The following ABCC6 variants were observed in gnomAD, a reference collection of about 807,000 sequenced individuals.
ABCC6 encodes ATP-binding cassette sub-family C member 6.
ABCC6 carries 126 observed loss-of-function variants against 169.5 expected under a neutral mutation model. The observed-to-expected ratio is 0.74, with a 90% CI of 0.64 to 0.86. The LOEUF (loss-of-function observed/expected upper bound fraction) is 0.86, where lower values mean the gene tolerates loss of function less well. Among genes scored for constraint, ABCC6 ranks in the 40% least tolerant of loss-of-function variants. ABCC6 has a pLI of 0.00. For synonymous variants in ABCC6, 752 were observed against 814.7 expected, an observed-to-expected ratio of 0.92 and a Z score of 1.31; for missense variants, 1,733 against 1,927.2, an observed-to-expected ratio of 0.90 and a Z score of 1.89.
chr16:16,197,942 G>A lies in ABCC6; in HGVS notation c.1338+79C>T, dbSNP rs575979803. 5.3e-4 allele frequency: 776 copies of A among 1,457,958 alleles called. 5 individuals are homozygous for A. In the African/African-American group the frequency reaches 8.3e-3, roughly 16 times the overall value. The allele number at this position is 1,457,958 out of a possible 1,614,324, so 90.3% of individuals were successfully genotyped here. ...TGAATGCTAAGTCAGGAGGAGGAAG[G>A]GTGGGAGGGGGAAGGAGGAGGGGGA... On this transcript the variant is annotated intron_variant, in intron 10 of 30. Transcript: ENST00000205557.
At position 16,198,138 on chromosome 16, in the gene ABCC6, A is replaced by C; in HGVS notation, c.1221T>G (p.Gly407=). The C allele has an allele frequency of 6.2e-7, 1 of 1,609,678 alleles. No homozygotes were observed. The highest frequency in any genetic ancestry group is 8.5e-7 in the Non-Finnish European group (1 of 1,178,096). ...SSGSRKASAV[G]DVVNLVSVDV... ...CCACGGACACCAGATTGACCACATC[A>C]CCCACCGCACTGGCCTTTCTGGAGC... The change falls in exon 10 of 31, where the codon GGT becomes GGG. Residue 407 remains glycine (G), a synonymous_variant. Transcript: ENST00000205557.
intron 29 of ABCC6, 104 bp downstream of exon 29, chr16:16,154,524 T>A (rs2046477069): frequency 2.8e-6 from 4 of 1,405,510 alleles, no homozygotes; most frequent in East Asian, 2.4e-5. Context: ...TGTAACAGAG[T>A]GATAATCCTA....
At chr16:16,153,530 G>T (rs957921938) in intron 29 of ABCC6, among the ~76,000 whole-genome samples, 2 of 152,108 alleles carry the variant, frequency 1.3e-5, no homozygotes, top group Admixed American at 1.3e-4. Context: ...GGGCGCTGGG[G>T]GAGGGGACAA....
chr16:16,193,789 C>T (rs1212502622), intron 10 of ABCC6, among the ~76,000 whole-genome samples: 1 of 152,208 alleles, frequency 6.6e-6, no homozygotes, highest in Non-Finnish European at 1.5e-5. Flanking sequence ...GATCCAAGAA[C>T]CCTCTTTTGG....
In ABCC6 at chr16:16,182,448, G is replaced by A; in HGVS notation, c.2211C>T (p.Ser737=). 6.2e-7 allele frequency: 1 copy of A among 1,614,134 alleles called. No individual in the cohort carries two copies. The highest frequency in any genetic ancestry group is 8.5e-7 in the Non-Finnish European group (1 of 1,180,030). Reference sequence around the variant, plus strand: ...TTGAAGTGTGGATTCCCTCAGGGAAGCTGTCCACATCTGGCTGCAGGGCAC... The same window carrying A: ...TTGAAGTGTGGATTCCCTCAGGGAAACTGTCCACATCTGGCTGCAGGGCAC... ...EACALQPDVD[S]FPEGIHTSIG... The change falls in exon 17 of 31, where the codon AGC becomes AGT. Residue 737 remains serine (S), a synonymous_variant. Coordinates refer to ENST00000205557, the MANE Select transcript of ABCC6 (RefSeq NM_001171.6).
chr16:16,175,254 C>T (rs2152246267), intron 20 of ABCC6, among the ~76,000 whole-genome samples: 1 of 152,274 alleles, frequency 6.6e-6, no homozygotes, highest in African/African-American at 2.4e-5. Context: ...GACTGAGGCC[C>T]CTCAAGATCG....
At chr16:16,214,251 A>G in intron 5 of ABCC6, 73 bp downstream of exon 5, 1 of 1,545,766 alleles carries the variant, frequency 6.5e-7, no homozygotes, top group Non-Finnish European at 8.8e-7. Flanking sequence ...AAAAAATTAA[A>G]GACTTTTGGT....
chr16:16,207,250 C>T (rs1199611445), intron 7 of ABCC6, among the ~76,000 whole-genome samples: 1 of 152,214 alleles, frequency 6.6e-6, no homozygotes, highest in Non-Finnish European at 1.5e-5. Context: ...CTGAAGGGAC[C>T]ACCAGTCATG....
At chr16:16,204,262 G>A (rs1438494033) in intron 7 of ABCC6, among the ~76,000 whole-genome samples, 1 of 152,098 alleles carries the variant, frequency 6.6e-6, no homozygotes, top group African/African-American at 2.4e-5. Context: ...TGCCATGTTG[G>A]CCAGGTTGGT....
intron 22 of ABCC6, among the ~76,000 whole-genome samples, chr16:16,166,205 A>G (rs1441098671): frequency 2.0e-5 from 3 of 152,170 alleles, no homozygotes; most frequent in Middle Eastern, 3.4e-3. Flanking sequence ...GTACGCCACC[A>G]TGCCGGCTAA....
intron 21 of ABCC6, among the ~76,000 whole-genome samples, chr16:16,172,053 ATGGATAAATGAGTGG>A (rs2047104766): frequency 4.0e-5 from 1 of 24,704 alleles, no homozygotes; most frequent in Non-Finnish European, 7.3e-5. Context: ...AATGAGTGGG[ATGGATAAATGAGTGG>A]GTGGGATGGA....
At chr16:16,152,719 G>A (rs2046423647) in intron 29 of ABCC6, among the ~76,000 whole-genome samples, 2 of 149,756 alleles carry the variant, frequency 1.3e-5, no homozygotes, top group Non-Finnish European at 3.0e-5. Context: ...TGGCAGGGCG[G>A]GGCGGGGGTG....
intron 22 of ABCC6, among the ~76,000 whole-genome samples, chr16:16,169,287 T>C (rs2046980701): frequency 6.6e-6 from 1 of 152,114 alleles, no homozygotes; most frequent in African/African-American, 2.4e-5. Context: ...GTCTTTCCAT[T>C]TTTGAGGAGG....
At chr16:16,197,888 G>T (rs2048102748) in intron 10 of ABCC6, 133 bp downstream of exon 10, 1 of 1,074,898 alleles carries the variant, frequency 9.3e-7, no homozygotes, top group Non-Finnish European at 1.4e-6. Context: ...CCCTAACCCT[G>T]GGGTCACAGC....
intron 7 of ABCC6, among the ~76,000 whole-genome samples, chr16:16,206,520 T>C (rs926296714): frequency 1.3e-5 from 2 of 151,828 alleles, no homozygotes; most frequent in African/African-American, 4.8e-5. Context: ...GTGGCTGTTG[T>C]GTGGCCTCTC....
chr16:16,221,559 G>A lies in ABCC6; in HGVS notation c.219+90C>T, dbSNP rs1159584189. ...ATTCCCTTCTACACCCCGATAGGAG[G>A]AGTCTACTTTAAGACTTCACCAGGT... On this transcript the variant is annotated intron_variant, in intron 2 of 30. Coordinates refer to ENST00000205557, the MANE Select transcript of ABCC6 (RefSeq NM_001171.6). 4 of 1,553,572 alleles carry A rather than the reference G, an allele frequency of 2.6e-6. No homozygotes were observed. The South Asian group carries it at 3.6e-5, about 14-fold the overall frequency.
rs183315054 is a variant in ABCC6 at position 16,157,043 on chromosome 16, C to T, written c.3882+620G>A. On this transcript the variant is annotated intron_variant, in intron 27 of 30. Transcript: ENST00000205557. The stretch of plus-strand genomic sequence containing the variant: ...CAAGGAGAGGACAGGGAGGAAGCCT[C>T]TGTAGGTTCAGAGGGAGGGAGGAAA... Among the ~76,000 whole-genome samples the T allele has an allele frequency of 4.6e-5, 7 of 151,588 alleles. No individual in the cohort carries two copies. The East Asian group carries it at 1.4e-3, about 30-fold the overall frequency.
At chr16:16,189,791 G>A (rs1013487491) in intron 12 of ABCC6, among the ~76,000 whole-genome samples, 3 of 152,102 alleles carry the variant, frequency 2.0e-5, no homozygotes, top group Non-Finnish European at 1.5e-5. Flanking sequence ...TTACAGAATG[G>A]CAGGACAAGG....
chr16:16,208,629 C>T, intron 7 of ABCC6, 99 bp downstream of exon 7: 1 of 1,600,578 alleles, frequency 6.2e-7, no homozygotes, highest in Admixed American at 1.7e-5. Flanking sequence ...GCCTCGGCCT[C>T]CCAAAATGCC....
Sources: gnomAD v4.1 joint callset for allele counts (sites outside exome capture counted in the v4.1 genomes callset) on GRCh38, gnomAD v4.1.1 for gene constraint, MANE v1.5 for transcripts, NCBI Gene and HGNC (gene_info 2026-07-23, HGNC 2026-07-21) for gene names.